The following PDE1A variants were observed in gnomAD, a reference collection of about 807,000 sequenced individuals.
The protein encoded by PDE1A is phosphodiesterase 1A, also known as dual specificity calcium/calmodulin-dependent 3',5'-cyclic nucleotide phosphodiesterase 1A.
PDE1A carries 35 observed loss-of-function variants against 61.7 expected under a neutral mutation model. The observed-to-expected ratio is 0.57, with a 90% confidence interval of 0.43 to 0.75. PDE1A has a LOEUF of 0.75. Among genes scored for constraint, PDE1A ranks in the 30% least tolerant of loss-of-function variants. PDE1A has a pLI of 0.00. For synonymous variants in PDE1A, 232 were observed against 213.2 expected, an observed-to-expected ratio of 1.09 and a Z score of -0.77; for missense variants, 597 against 630.6, an observed-to-expected ratio of 0.95 and a Z score of 0.57.
At chr2:182,286,286 C>A (rs1312991468) in intron 1 of PDE1A, among the ~76,000 whole-genome samples, 2 of 152,112 alleles carry the variant, frequency 1.3e-5, no homozygotes, top group Admixed American at 1.3e-4. Context: ...AAACGAGCAA[C>A]TTAGGGGTCC....
At chr2:182,356,515 C>T (rs1213057122) in intron 1 of PDE1A, among the ~76,000 whole-genome samples, 3 of 151,918 alleles carry the variant, frequency 2.0e-5, no homozygotes, top group Admixed American at 6.6e-5. Flanking sequence ...TTTGGGAGCC[C>T]GAAGCAGGCG....
intron 13 of PDE1A, among the ~76,000 whole-genome samples, chr2:182,168,576 T>A (rs1248652219): frequency 6.6e-6 from 1 of 152,100 alleles, no homozygotes; most frequent in Non-Finnish European, 1.5e-5. Context: ...GTTGCCTGGA[T>A]TCCTATGGAG....
intron 13 of PDE1A, among the ~76,000 whole-genome samples, chr2:182,170,300 T>C (rs1045390330): frequency 5.3e-5 from 8 of 152,046 alleles, no homozygotes; most frequent in African/African-American, 1.7e-4. Flanking sequence ...TTTTTTTGTA[T>C]AGATGGTCAA....
the PDE1A span, among the ~76,000 whole-genome samples, chr2:182,611,259 A>G: frequency 1.3e-5 from 2 of 152,348 alleles, no homozygotes; most frequent in East Asian, 3.9e-4. Flanking sequence ...TGAGCCACAC[A>G]GAACTCCAAG....
At chr2:182,344,303 A>G (rs1698381547) in intron 1 of PDE1A, among the ~76,000 whole-genome samples, 1 of 152,222 alleles carries the variant, frequency 6.6e-6, no homozygotes, top group African/African-American at 2.4e-5. Flanking sequence ...TAATGTTTAC[A>G]AAGAAAATAT....
At chr2:182,442,615 A>T (rs904939185) in intron 2 of PDE1A, among the ~76,000 whole-genome samples, 1 of 152,068 alleles carries the variant, frequency 6.6e-6, no homozygotes, top group African/African-American at 2.4e-5. Context: ...TGCATGTTTA[A>T]TTATACATGA....
the PDE1A span, among the ~76,000 whole-genome samples, chr2:182,694,707 A>C: frequency 6.6e-6 from 1 of 152,068 alleles, no homozygotes; most frequent in Non-Finnish European, 1.5e-5. Flanking sequence ...AAGAAGAAAA[A>C]TTCAAGAGAA....
the PDE1A span, among the ~76,000 whole-genome samples, chr2:182,685,114 TACAC>T: frequency 6.7e-6 from 1 of 149,770 alleles, no homozygotes; most frequent in Non-Finnish European, 1.5e-5. Context: ...CATATATATA[TACAC>T]ACACACACAG....
intron 1 of PDE1A, among the ~76,000 whole-genome samples, chr2:182,380,865 G>A (rs546567924): frequency 6.6e-6 from 1 of 152,266 alleles, no homozygotes; most frequent in South Asian, 2.1e-4. Context: ...CCTCAGCTGG[G>A]CCATGACCAG....
At chr2:182,242,033 T>C in intron 2 of PDE1A, 6 of 1,309,916 alleles carry the variant, frequency 4.6e-6, no homozygotes, top group Non-Finnish European at 4.9e-6. Flanking sequence ...AGATACAGTG[T>C]AGGTAGAACA....
chr2:182,471,098 T>C lies in PDE1A; in HGVS notation c.101+51178A>G, dbSNP rs114966172. Among the ~76,000 whole-genome samples the C allele has an allele frequency of 7.6e-3, 1,149 of 151,824 alleles. 8 individuals are homozygous for C. Among genetic ancestry groups the C allele is most frequent in the South Asian group, 0.02 (97 of 4,808 alleles). ...AATTTTTTAAGTGGTAACATGAAAG[T>C]CAACTTGCTCTACAGACCAATACAT... On this transcript the variant is annotated intron_variant, in intron 2 of 14. Coordinates refer to the PDE1A transcript ENST00000410103.
intron 1 of PDE1A, among the ~76,000 whole-genome samples, chr2:182,336,012 A>T (rs1697782307): frequency 6.6e-6 from 1 of 152,216 alleles, no homozygotes; most frequent in South Asian, 2.1e-4. Flanking sequence ...CAAACATATG[A>T]AAAAAAGCTC....
upstream of PDE1A, among the ~76,000 whole-genome samples, chr2:182,528,052 T>C (rs1255406209): frequency 1.3e-5 from 2 of 152,042 alleles, no homozygotes; most frequent in Admixed American, 6.6e-5. Context: ...TTGGTACCAG[T>C]AGAGTGGGGC....
chr2:182,366,593 C>T (rs1259004904), intron 1 of PDE1A, among the ~76,000 whole-genome samples: 2 of 150,818 alleles, frequency 1.3e-5, no homozygotes, highest in African/African-American at 4.9e-5. Context: ...ATGACTAAAA[C>T]AAGCAATATG....
At position 182,410,242 on chromosome 2, in the gene PDE1A, C is replaced by T. The variant is rs1462815669; in HGVS notation, c.53+16336G>A. Among the ~76,000 whole-genome samples the T allele has an allele frequency of 1.3e-5, 2 of 152,008 alleles. 1 individual carries two copies. The highest frequency in any genetic ancestry group is 2.9e-5 in the Non-Finnish European group (2 of 68,020). ...ATTAGCTAGGCATGGTGGTGCACAC[C>T]TGCAGTCCCAGCTACTTGAGAGGCT... On this transcript the variant is annotated intron_variant, in intron 1 of 13. Coordinates refer to ENST00000351439, the Ensembl canonical transcript of PDE1A.
the PDE1A span, among the ~76,000 whole-genome samples, chr2:182,626,730 TATATATAC>T: frequency 0.051 from 308 of 6,068 alleles, 33 homozygotes; most frequent in East Asian, 0.41. Flanking sequence ...TATATATATA[TATATATAC>T]ATATATATAC....
the PDE1A span, among the ~76,000 whole-genome samples, chr2:182,577,482 G>A: frequency 6.6e-5 from 10 of 152,270 alleles, no homozygotes; most frequent in Non-Finnish European, 1.3e-4. Flanking sequence ...TTTGACATGT[G>A]AACTGCTTAG....
chr2:182,206,300 T>A (rs2125501859), intron 7 of PDE1A, among the ~76,000 whole-genome samples: 1 of 152,298 alleles, frequency 6.6e-6, no homozygotes, highest in Non-Finnish European at 1.5e-5. Flanking sequence ...GTACAAAATT[T>A]CCCATGTACT....
intron 1 of PDE1A, among the ~76,000 whole-genome samples, chr2:182,321,380 G>T (rs1696678340): frequency 6.6e-6 from 1 of 152,110 alleles, no homozygotes; most frequent in Non-Finnish European, 1.5e-5. Flanking sequence ...ATATATGTTA[G>T]AACAAGTCTG....
Sources: gnomAD v4.1 joint callset for allele counts (sites outside exome capture counted in the v4.1 genomes callset) on GRCh38, gnomAD v4.1.1 for gene constraint, MANE v1.5 for transcripts, NCBI Gene and HGNC (gene_info 2026-07-23, HGNC 2026-07-21) for gene names.